The following LIMCH1 variants were observed in gnomAD, a reference collection of about 807,000 sequenced individuals.
The protein encoded by LIMCH1 is LIM and calponin homology domains 1.
LIMCH1 carries 113 observed loss-of-function variants against 176.5 expected under a neutral mutation model. The ratio of observed to expected loss-of-function variants is 0.64; its 90% CI spans 0.55 to 0.75. The LOEUF is 0.75. LIMCH1 is among the 30% of genes least tolerant of loss of function. LIMCH1 has a pLI of 0.00. For missense variants in LIMCH1, 1,674 were observed against 1,814.9 expected (o/e 0.92, Z 1.41); for synonymous variants, 619 against 645.9 (o/e 0.96, Z 0.63).
intron 1 of LIMCH1, among the ~76,000 whole-genome samples, chr4:41,585,108 C>T (rs537796096): frequency 2.3e-4 from 35 of 152,260 alleles, no homozygotes; most frequent in African/African-American, 4.3e-4. Flanking sequence ...TCACATTGAT[C>T]GGCACAAACA....
intron 1 of LIMCH1, among the ~76,000 whole-genome samples, chr4:41,380,898 A>G (rs1456496598): frequency 6.6e-6 from 1 of 152,232 alleles, no homozygotes; most frequent in Non-Finnish European, 1.5e-5. Context: ...GAGTAGTAGA[A>G]TGTTCTAGAT....
At chr4:41,454,989 C>G (rs992965832) in intron 1 of LIMCH1, among the ~76,000 whole-genome samples, 1 of 146,346 alleles carries the variant, frequency 6.8e-6, no homozygotes, top group Non-Finnish European at 1.5e-5. Context: ...TTTGTGTGGT[C>G]AAATTTCATG....
chr4:41,512,406 T>C (rs762659760), intron 2 of LIMCH1, among the ~76,000 whole-genome samples: 17 of 152,148 alleles, frequency 1.1e-4, no homozygotes, highest in Non-Finnish European at 1.5e-4. Flanking sequence ...CCTAAGTACA[T>C]ACCCAAGAGA....
intron 2 of LIMCH1, among the ~76,000 whole-genome samples, chr4:41,600,500 T>A (rs879876656): frequency 2.0e-5 from 3 of 152,136 alleles, no homozygotes; most frequent in Non-Finnish European, 2.9e-5. Flanking sequence ...ATTCATTTTT[T>A]TTTAGAGCCA....
intron 2 of LIMCH1, among the ~76,000 whole-genome samples, chr4:41,510,524 GT>G (rs2074754859): frequency 6.6e-6 from 1 of 152,132 alleles, no homozygotes. Context: ...TGTTCTGAAT[GT>G]TCCCTTTGGT....
intron 4 of LIMCH1, among the ~76,000 whole-genome samples, chr4:41,608,551 G>A (rs1281733507): frequency 6.6e-6 from 1 of 152,174 alleles, no homozygotes; most frequent in Non-Finnish European, 1.5e-5. Flanking sequence ...TGGGTGAAAT[G>A]TGCATAAAAA....
chr4:41,553,806 T>C (rs1330218617), intron 1 of LIMCH1, among the ~76,000 whole-genome samples: 1 of 152,184 alleles, frequency 6.6e-6, no homozygotes, highest in Non-Finnish European at 1.5e-5. Context: ...GAGGCCAGTT[T>C]TGGCATCCTC....
In LIMCH1 at chr4:41,633,072, A is replaced by G. The variant is rs1431351953; in HGVS notation, c.1816A>G (p.Ser606Gly). 2 of 1,534,912 alleles carry G rather than the reference A, an allele frequency of 1.3e-6. No homozygotes were observed. The highest frequency in any genetic ancestry group is 2.7e-5 in the African/African-American group (2 of 73,138). ...GTCAAAGGCAGAAAGATCAGAGGAC[A>G]GCAGCCAGCCACTGTGAGCATCTTG... ...RLSKAERSEDSSQPLVCPLAS... is the reference protein window; with the variant it reads ...RLSKAERSEDGSQPLVCPLAS... The change falls in exon 12 of 32, where the codon AGC becomes GGC. Residue 606 changes from serine to glycine, a missense_variant. This residue lies in a region of LIMCH1 where 1,015 missense variants were observed against 1,102.5 expected (regional missense o/e 0.92). Coordinates refer to ENST00000503057, the MANE Select transcript of LIMCH1 (RefSeq NM_001330672.2).
At position 41,651,288 on chromosome 4, in the gene LIMCH1, G is replaced by A. The variant is rs572228441; in HGVS notation, c.3036+680G>A. Among the ~76,000 whole-genome samples, 41 of 152,274 alleles carry A rather than the reference G, an allele frequency of 2.7e-4. No homozygotes were observed. In the South Asian group the frequency reaches 7.3e-3, roughly 27 times the overall value. On this transcript the variant is annotated intron_variant, in intron 18 of 31. Transcript: ENST00000503057. ...CCAAAAGTGCTGGGATTACAGGCAT[G>A]AGCTACCACACCCAGCCTAATTTCC... is the stretch of plus-strand genomic sequence containing the variant.
intron 1 of LIMCH1, among the ~76,000 whole-genome samples, chr4:41,556,144 C>G (rs1044375234): frequency 1.8e-4 from 28 of 151,964 alleles, no homozygotes; most frequent in African/African-American, 6.3e-4. Flanking sequence ...AGCCAAATCC[C>G]AGCACTTTGG....
chr4:41,577,225 G>A (rs772837828), intron 1 of LIMCH1, among the ~76,000 whole-genome samples: 2 of 152,070 alleles, frequency 1.3e-5, no homozygotes, highest in Non-Finnish European at 2.9e-5. Context: ...GAATCTTGGT[G>A]GCTGGAGACC....
chr4:41,360,773 C>G, upstream of LIMCH1: 1 of 1,231,656 alleles, frequency 8.1e-7, no homozygotes, highest in South Asian at 1.5e-5. The surrounding 1 kb of genome is among the most constrained non-coding windows in gnomAD (Gnocchi z 4.5). Context: ...GCGGGGAGCG[C>G]GCTCCTGCGG....
intron 23 of LIMCH1, among the ~76,000 whole-genome samples, chr4:41,677,870 T>C (rs1712188633): frequency 2.0e-5 from 3 of 152,100 alleles, no homozygotes; most frequent in Admixed American, 2.0e-4. Flanking sequence ...AGGAAAATAA[T>C]GTTAAATCTC....
intron 1 of LIMCH1, among the ~76,000 whole-genome samples, chr4:41,370,111 G>A (rs549792989): frequency 2.0e-5 from 3 of 152,258 alleles, no homozygotes; most frequent in South Asian, 4.1e-4. Context: ...GTCAGGGCTC[G>A]TTGGAGTTCC....
At position 41,487,459 on chromosome 4, in the gene LIMCH1, C is replaced by A. The variant is rs538470637; in HGVS notation, c.97-7077C>A. 2.0e-5 allele frequency among the ~76,000 whole-genome samples: 3 copies of A among 152,192 alleles called. No homozygotes were observed. The East Asian group carries it at 5.8e-4, about 29-fold the overall frequency. ...TTCCTGCAAACACATGGTGCCTATT[C>A]CCAGAATTGGGTCTAAGAAATTGAA... On this transcript the variant is annotated intron_variant, in intron 1 of 26. Coordinates refer to the LIMCH1 transcript ENST00000313860.
intron 20 of LIMCH1, among the ~76,000 whole-genome samples, chr4:41,664,380 A>G (rs2094748300): frequency 6.6e-6 from 1 of 152,220 alleles, no homozygotes; most frequent in South Asian, 2.1e-4. Context: ...CCCTGGCCTT[A>G]GGAGCTGAGA....
chr4:41,641,913 T>C (rs1483100940), intron 14 of LIMCH1, among the ~76,000 whole-genome samples: 2 of 152,206 alleles, frequency 1.3e-5, no homozygotes. Context: ...CTGGCCACAT[T>C]TGGGCTGAGC....
chr4:41,610,745 A>G (rs1245278190), intron 4 of LIMCH1, among the ~76,000 whole-genome samples: 1 of 152,232 alleles, frequency 6.6e-6, no homozygotes, highest in Non-Finnish European at 1.5e-5. Flanking sequence ...GGTGGAGCCA[A>G]TAGTTAAACC....
chr4:41,676,804 C>A (rs1464352489), intron 23 of LIMCH1, among the ~76,000 whole-genome samples: 1 of 152,174 alleles, frequency 6.6e-6, no homozygotes, highest in Non-Finnish European at 1.5e-5. Flanking sequence ...TCTAAAAGCT[C>A]TCTGCTAGCA....
Sources: gnomAD v4.1 joint callset for allele counts (sites outside exome capture counted in the v4.1 genomes callset) on GRCh38, gnomAD v4.1.1 for gene constraint, gnomAD v4.1.1 regional missense constraint, Gnocchi (gnomAD v3.1) non-coding constraint, MANE v1.5 for transcripts, NCBI Gene and HGNC (gene_info 2026-07-23, HGNC 2026-07-21) for gene names.